Variants in ANKS1A observed in about 807,000 individuals in gnomAD.
ANKS1A encodes the protein ankyrin repeat and sterile alpha motif domain containing 1A, also known as ankyrin repeat and SAM domain-containing protein 1A.
Under a neutral mutation model 120.3 loss-of-function variants are expected in ANKS1A, and 55 were observed. The observed-to-expected ratio is 0.46, with a 90% CI of 0.37 to 0.57. The LOEUF (loss-of-function observed/expected upper bound fraction) is 0.57. ANKS1A is among the 20% of genes least tolerant of loss of function. The pLI, the probability that ANKS1A is intolerant of heterozygous loss-of-function variation, is 0.00. For missense variants in ANKS1A, 1,123 were observed against 1,480.3 expected (o/e 0.76, Z 3.96); for synonymous variants, 590 against 604.7 (o/e 0.98, Z 0.36).
intron 10 of ANKS1A, among the ~76,000 whole-genome samples, chr6:34,999,769 C>T (rs538885318): frequency 7.9e-5 from 12 of 152,164 alleles, no homozygotes; most frequent in South Asian, 2.1e-4. Flanking sequence ...CCCCCTTCCC[C>T]GCCACAGTAG....
At chr6:34,922,016 C>CTTTTT (rs558428378) in intron 1 of ANKS1A, among the ~76,000 whole-genome samples, 5 of 133,606 alleles carry the variant, frequency 3.7e-5, no homozygotes, top group African/African-American at 5.7e-5. Flanking sequence ...AATTGACTTC[C>CTTTTT]TTTTTTTTTT....
chr6:34,889,441 C>A lies in ANKS1A; in HGVS notation c.39C>A (p.Thr13=). 1 of 1,286,598 alleles carries A rather than the reference C, an allele frequency of 7.8e-7. No individual in the cohort carries two copies. The highest frequency in any genetic ancestry group is 1.5e-5 in the African/African-American group (1 of 65,074). The allele number at this position is 1,286,598 out of a possible 1,614,324, so 79.7% of individuals were successfully genotyped here. The part of the protein sequence containing the change: ...KEQELLEAAR[T]GHLPAVEKLL... ...AGGAGCTGCTGGAGGCGGCCCGCAC[C>A]GGGCACCTCCCGGCGGTGGAGAAGC... The change falls in exon 1 of 24, where the codon ACC becomes ACA. Residue 13 remains threonine (T), a synonymous_variant. Transcript: ENST00000360359. The surrounding 1 kb of genome is among the most constrained non-coding windows in gnomAD (Gnocchi z 5.5).
At chr6:35,016,443 G>T (rs1434599652) in intron 10 of ANKS1A, among the ~76,000 whole-genome samples, 1 of 152,226 alleles carries the variant, frequency 6.6e-6, no homozygotes, top group African/African-American at 2.4e-5. Context: ...TTACTCTGAT[G>T]ATGTGGGTTA....
intron 13 of ANKS1A, chr6:35,070,909 C>G (rs1473392366): frequency 7.6e-6 from 5 of 660,592 alleles, no homozygotes; most frequent in South Asian, 6.8e-5. Flanking sequence ...CATCCTTGGC[C>G]TGAGACTCCT....
At chr6:34,990,537 A>G (rs1772449927) in intron 9 of ANKS1A, among the ~76,000 whole-genome samples, 1 of 145,138 alleles carries the variant, frequency 6.9e-6, no homozygotes, top group Non-Finnish European at 1.5e-5. Context: ...TAATAAGAAT[A>G]TTCAGTTGGG....
rs1268217129 is a variant in ANKS1A, at chr6:35,058,055, C to G, written c.2078-2092C>G. 6.6e-6 allele frequency among the ~76,000 whole-genome samples: 1 copy of G among 152,378 alleles called. No homozygotes were observed. The highest frequency in any genetic ancestry group is 1.5e-5 in the Non-Finnish European group (1 of 68,044). On this transcript the variant is annotated intron_variant, in intron 12 of 23. Coordinates refer to ENST00000360359, the MANE Select transcript of ANKS1A (RefSeq NM_015245.3). This position sits in a 1 kb window ranked among gnomAD's most constrained non-coding sequence, Gnocchi z 5.1. Reference sequence around the variant, plus strand: ...GGAAATCTGTCATTTCGCTCTGATGCTAGTGCTGCTGTCTCCTTCTCCCTC... The same window carrying G: ...GGAAATCTGTCATTTCGCTCTGATGGTAGTGCTGCTGTCTCCTTCTCCCTC...
downstream of ANKS1A, among the ~76,000 whole-genome samples, chr6:35,092,949 T>C (rs1778352066): frequency 6.6e-6 from 1 of 152,006 alleles, no homozygotes; most frequent in Non-Finnish European, 1.5e-5. Flanking sequence ...TGGAGCACTT[T>C]CCAAGGCAGC....
intron 10 of ANKS1A, among the ~76,000 whole-genome samples, chr6:35,010,606 A>G (rs1359824377): frequency 6.6e-6 from 1 of 152,226 alleles, no homozygotes; most frequent in Admixed American, 6.5e-5. Context: ...AAAGTCCCAT[A>G]ACCAAGGAAG....
At chr6:35,070,692 G>A (rs984796579) in intron 13 of ANKS1A, among the ~76,000 whole-genome samples, 6 of 151,814 alleles carry the variant, frequency 4.0e-5, no homozygotes, top group Non-Finnish European at 7.4e-5. Flanking sequence ...CACCGTGTTA[G>A]CCTGGATGGT....
chr6:35,061,296 G>A (rs1193839833), intron 13 of ANKS1A, among the ~76,000 whole-genome samples: 1 of 152,224 alleles, frequency 6.6e-6, no homozygotes, highest in East Asian at 1.9e-4. Flanking sequence ...TGTGGATACA[G>A]GGATGGGGGC....
chr6:34,894,196 G>C (rs1766962757), intron 1 of ANKS1A, among the ~76,000 whole-genome samples: 1 of 152,106 alleles, frequency 6.6e-6, no homozygotes, highest in Non-Finnish European at 1.5e-5. Context: ...GCACGTAGCG[G>C]GCACTCAGAT....
intron 7 of ANKS1A, among the ~76,000 whole-genome samples, chr6:34,984,414 T>C (rs1474861978): frequency 1.3e-5 from 2 of 152,208 alleles, no homozygotes; most frequent in African/African-American, 2.4e-5. Flanking sequence ...GGTGCCCAGC[T>C]CTCTGAACTG....
At chr6:35,030,073 A>C (rs75058888) in intron 11 of ANKS1A, among the ~76,000 whole-genome samples, 1,637 of 152,276 alleles carry the variant, frequency 0.011, 32 homozygotes, top group African/African-American at 0.036. Flanking sequence ...CTACGGTCTT[A>C]GGGTTGATAA....
chr6:35,017,932 C>G lies in ANKS1A; in HGVS notation c.1883C>G (p.Ser628Cys), dbSNP rs975633575. Reference protein sequence around the residue: ...KLSRSLSKSDSDLLTCSPTED... With the variant: ...KLSRSLSKSDCDLLTCSPTED... ...AGCCGCAGCTTGTCCAAGTCTGACT[C>G]TGATCTCCTGACCTGCTCACCCACA... is the stretch of plus-strand genomic sequence containing the variant. Residue 628 changes from serine to cysteine, a missense_variant, in exon 11 of 24, where the codon TCT (serine) becomes TGT (cysteine). By Grantham distance (112) the Ser-to-Cys change is moderately radical. Coordinates refer to ENST00000360359, the MANE Select transcript of ANKS1A (RefSeq NM_015245.3). 1.2e-6 allele frequency: 2 copies of G among 1,614,258 alleles called. No homozygotes were observed. Among genetic ancestry groups the G allele is most frequent in the Admixed American group, 1.7e-5 (1 of 60,034 alleles).
At chr6:35,007,044 TTAA>T (rs1450618631) in intron 10 of ANKS1A, among the ~76,000 whole-genome samples, 2 of 152,150 alleles carry the variant, frequency 1.3e-5, no homozygotes, top group Non-Finnish European at 2.9e-5. Context: ...ATTTTAAAAA[TTAA>T]TAATAAGATG....
At chr6:34,976,406 C>T (rs919540303) in intron 3 of ANKS1A, among the ~76,000 whole-genome samples, 11 of 152,060 alleles carry the variant, frequency 7.2e-5, no homozygotes, top group Middle Eastern at 3.2e-3. Context: ...GTAAATTATC[C>T]TTAGCTAAGG....
At chr6:35,087,998 C>G (rs1042930372) in intron 23 of ANKS1A, among the ~76,000 whole-genome samples, 2 of 152,254 alleles carry the variant, frequency 1.3e-5, no homozygotes, top group Admixed American at 6.5e-5. Context: ...CCTGCACACA[C>G]GGCGCACCTT....
intron 1 of ANKS1A, among the ~76,000 whole-genome samples, chr6:34,904,614 C>T (rs1767545985): frequency 1.3e-5 from 2 of 152,104 alleles, no homozygotes; most frequent in South Asian, 4.1e-4. Context: ...CGCCTGCAGT[C>T]CCAGCTACTT....
chr6:35,057,629 C>T lies in ANKS1A; in HGVS notation c.2078-2518C>T, dbSNP rs188325393. On this transcript the variant is annotated intron_variant, in intron 12 of 23. Transcript: ENST00000360359. This position sits in a 1 kb window ranked among gnomAD's most constrained non-coding sequence, Gnocchi z 4.1. ...ATTTGGCCCTGGTTTCCCCCTTGCC[C>T]TTGGCCATCGCTGTCCTCCCCCAGA... Among the ~76,000 whole-genome samples, 8 of 152,330 alleles carry T rather than the reference C, an allele frequency of 5.3e-5. No homozygotes were observed. The highest frequency in any genetic ancestry group is 1.7e-4 in the African/African-American group (7 of 41,576).
Sources: gnomAD v4.1 joint callset for allele counts (sites outside exome capture counted in the v4.1 genomes callset) on GRCh38, gnomAD v4.1.1 for gene constraint, Gnocchi (gnomAD v3.1) non-coding constraint, MANE v1.5 for transcripts, NCBI Gene and HGNC (gene_info 2026-07-23, HGNC 2026-07-21) for gene names.